Variants in DENND4A observed in about 807,000 individuals in gnomAD.
DENND4A encodes the protein DENN domain containing 4A.
In DENND4A, 70 loss-of-function variants were observed where a neutral mutation model predicts 199.3. The ratio of observed to expected loss-of-function variants is 0.35; its 90% CI spans 0.29 to 0.43. The LOEUF is 0.43. Among genes scored for constraint, DENND4A ranks in the 20% least tolerant of loss-of-function variants. DENND4A has a pLI of 1.00. For synonymous variants in DENND4A, 686 were observed against 766.9 expected (o/e 0.89, Z 1.74); for missense variants, 1,723 against 2,255.8 (o/e 0.76, Z 4.78).
At chr15:65,779,959 C>G (rs2077393007) in intron 1 of DENND4A, among the ~76,000 whole-genome samples, 1 of 151,862 alleles carries the variant, frequency 6.6e-6, no homozygotes, top group Admixed American at 6.6e-5. Flanking sequence ...AGGCCAGTCT[C>G]AAACTCCTGG....
intron 3 of DENND4A, among the ~76,000 whole-genome samples, chr15:65,753,214 GT>G (rs1344056093): frequency 6.6e-6 from 1 of 151,966 alleles, no homozygotes; most frequent in East Asian, 1.9e-4. Flanking sequence ...CATTCATTAA[GT>G]TTTCTATACT....
At chr15:65,772,799 CA>C (rs1397348228) in intron 1 of DENND4A, among the ~76,000 whole-genome samples, 9 of 146,144 alleles carry the variant, frequency 6.2e-5, no homozygotes, top group Non-Finnish European at 9.0e-5. Flanking sequence ...TATATGCACT[CA>C]TGCAGAATTT....
intron 1 of DENND4A, among the ~76,000 whole-genome samples, chr15:65,776,923 G>C (rs558792860): frequency 5.9e-5 from 9 of 152,184 alleles, no homozygotes; most frequent in Admixed American, 5.9e-4. Context: ...ATCCCAGCAA[G>C]TTGGAAGGAC....
chr15:65,702,828 T>C, intron 16 of DENND4A, 45 bp downstream of exon 16: 1 of 1,548,120 alleles, frequency 6.5e-7, no homozygotes, highest in Middle Eastern at 1.7e-4. Flanking sequence ...ATCCAATTTA[T>C]TTCTTGTTCT....
At chr15:65,704,997 C>T (rs1005375749) in intron 15 of DENND4A, among the ~76,000 whole-genome samples, 1 of 151,996 alleles carries the variant, frequency 6.6e-6, no homozygotes, top group Non-Finnish European at 1.5e-5. Flanking sequence ...TACCAAAAGA[C>T]AAATAAGCAT....
chr15:65,696,335 G>T, intron 22 of DENND4A, 31 bp downstream of exon 22: 1 of 1,595,084 alleles, frequency 6.3e-7, no homozygotes, highest in African/African-American at 1.3e-5. Context: ...AATTTATTCC[G>T]CACATAACAC....
intron 11 of DENND4A, among the ~76,000 whole-genome samples, chr15:65,726,882 G>C (rs1278562161): frequency 6.6e-6 from 1 of 151,996 alleles, no homozygotes; most frequent in Non-Finnish European, 1.5e-5. Flanking sequence ...CTTGAACCTG[G>C]AAGGAAGAGG....
intron 6 of DENND4A, 123 bp from the exon 7 acceptor site, chr15:65,738,068 A>T (rs2076162167): frequency 5.7e-6 from 5 of 877,300 alleles, no homozygotes; most frequent in Non-Finnish European, 6.8e-6. Context: ...TTAAGAACAC[A>T]GTGATGAAGA....
chr15:65,738,848 T>A lies in DENND4A; in HGVS notation c.659A>T (p.Asp220Val). ...TTCCGGTAGTGAGAATGACTCATAATCTTCTTGAGGATATCTACAAATTAG... is the reference window on the plus strand; with the variant it reads ...TTCCGGTAGTGAGAATGACTCATAAACTTCTTGAGGATATCTACAAATTAG... ...AGLICRYPQE[D>V]YESFSLPESV... Residue 220 changes from aspartate (D) to valine (V), a missense_variant, in exon 6 of 33, where the codon GAT becomes GTT. Coordinates refer to ENST00000443035, the MANE Select transcript of DENND4A (RefSeq NM_001320835.1). The A allele has an allele frequency of 6.2e-7, 1 of 1,603,420 alleles. No homozygotes were observed. Among genetic ancestry groups the A allele is most frequent in the Non-Finnish European group, 8.5e-7 (1 of 1,175,870 alleles).
chr15:65,743,602 ATTTG>A (rs2076313452), intron 4 of DENND4A, among the ~76,000 whole-genome samples: 1 of 152,292 alleles, frequency 6.6e-6, no homozygotes, highest in East Asian at 1.9e-4. Context: ...TTTAAAAGTT[ATTTG>A]TTTAAAATTT....
At chr15:65,756,023 T>G (rs1473016763) in intron 3 of DENND4A, 117 bp downstream of exon 3, 6 of 891,426 alleles carry the variant, frequency 6.7e-6, no homozygotes, top group Non-Finnish European at 9.9e-6. Flanking sequence ...TACAAACTTG[T>G]GTATTTTTCT....
intron 4 of DENND4A, among the ~76,000 whole-genome samples, chr15:65,750,186 C>G (rs928726373): frequency 1.3e-5 from 2 of 152,116 alleles, no homozygotes; most frequent in East Asian, 1.9e-4. Context: ...TGTGCAGCAA[C>G]GTGGATGCAG....
intron 1 of DENND4A, among the ~76,000 whole-genome samples, chr15:65,765,733 G>T (rs1426159059): frequency 6.6e-6 from 1 of 152,138 alleles, no homozygotes; most frequent in Non-Finnish European, 1.5e-5. Context: ...TATAAGCACA[G>T]TTTTGTCACA....
chr15:65,765,526 C>T (rs2076962234), intron 1 of DENND4A, among the ~76,000 whole-genome samples: 1 of 152,162 alleles, frequency 6.6e-6, no homozygotes, highest in African/African-American at 2.4e-5. Context: ...TAACATCTTG[C>T]AAAACTATAG....
chr15:65,683,131 C>A (rs74024339), intron 23 of DENND4A, among the ~76,000 whole-genome samples: 121 of 152,310 alleles, frequency 7.9e-4, no homozygotes, highest in African/African-American at 2.8e-3. Flanking sequence ...AGGTTTGCCA[C>A]AAACTTTCAA....
At chr15:65,758,973 T>C (rs943200199) in intron 2 of DENND4A, among the ~76,000 whole-genome samples, 21 of 152,190 alleles carry the variant, frequency 1.4e-4, no homozygotes, top group African/African-American at 4.3e-4. Context: ...GTAAACAATC[T>C]TCCCTTGTAG....
At chr15:65,764,972 C>CAAAAAAA (rs35902836) in intron 1 of DENND4A, among the ~76,000 whole-genome samples, 1 of 95,886 alleles carries the variant, frequency 1.0e-5, no homozygotes, top group African/African-American at 3.9e-5. Flanking sequence ...ACCCTGTCTC[C>CAAAAAAA]AAAAAAAAAA....
chr15:65,700,064 G>A lies in DENND4A; in HGVS notation c.2833+480C>T, dbSNP rs117626795. On this transcript the variant is annotated intron_variant, in intron 20 of 32. Coordinates refer to ENST00000443035, the MANE Select transcript of DENND4A (RefSeq NM_001320835.1). ...ATTTAGAAGTTGCAAAAACATTACA[G>A]TACAGAGAGTTCCTTGGTACAATTC... 8.6e-5 allele frequency among the ~76,000 whole-genome samples: 13 copies of A among 152,032 alleles called. No individual in the cohort carries two copies. The East Asian group carries it at 2.5e-3, about 29-fold the overall frequency.
intron 14 of DENND4A, 137 bp from the exon 15 acceptor site, chr15:65,706,361 CTA>C (rs1339426288): frequency 5.0e-6 from 4 of 804,156 alleles, no homozygotes; most frequent in Middle Eastern, 4.0e-4. Flanking sequence ...AGCAAGTTCT[CTA>C]TGAGTGCCAA....
Sources: allele counts gnomAD v4.1 joint callset (sites outside exome capture counted in the v4.1 genomes callset), GRCh38; gene constraint gnomAD v4.1.1; transcripts MANE v1.5; gene names NCBI Gene and HGNC (gene_info 2026-07-23, HGNC 2026-07-21).